COLEC12: variants seen among roughly 807,000 people sequenced by gnomAD.
COLEC12 encodes collectin-12.
A neutral mutation model predicts 71.1 loss-of-function variants in COLEC12; 33 were observed. The observed-to-expected ratio is 0.46, with a 90% CI of 0.35 to 0.62. COLEC12 has a LOEUF of 0.62. COLEC12 is among the 20% of genes least tolerant of loss of function. COLEC12 has a pLI of 0.00. For synonymous variants in COLEC12, 350 were observed against 353.0 expected, an observed-to-expected ratio of 0.99 and a Z score of 0.10; for missense variants, 765 against 916.1, an observed-to-expected ratio of 0.84 and a Z score of 2.13.
At chr18:440,360 AAC>A (rs77004542) in intron 2 of COLEC12, among the ~76,000 whole-genome samples, 19 of 118,662 alleles carry the variant, frequency 1.6e-4, no homozygotes, top group Middle Eastern at 4.2e-3. Flanking sequence ...AAATGTTCTC[AAC>A]ACACACACAC....
chr18:333,176 A>G (rs968098810), intron 6 of COLEC12, 33 bp from the exon 7 acceptor site: 1 of 1,561,998 alleles, frequency 6.4e-7, no homozygotes, highest in African/African-American at 1.4e-5. Context: ...CATTGATTAA[A>G]AGATCACAGA....
At chr18:352,711 A>G (rs937638295) in intron 3 of COLEC12, among the ~76,000 whole-genome samples, 1 of 152,232 alleles carries the variant, frequency 6.6e-6, no homozygotes, top group Non-Finnish European at 1.5e-5. Flanking sequence ...AGACTGGTGG[A>G]GATCCAGAAC....
intron 6 of COLEC12, chr18:334,214 A>C (rs1251225559): frequency 6.6e-6 from 1 of 151,554 alleles, no homozygotes; most frequent in African/African-American, 2.4e-5. Context: ...ATAATACATA[A>C]AACAAATGAG....
rs1005116812 is a variant in COLEC12, at chr18:408,758, A to T, written c.59-51236T>A. Reference sequence around the variant, plus strand: ...CTTAGGAAATAATTTTGCCATAATAATGTATTTCACACTAAAATAGGATTG... The same window carrying T: ...CTTAGGAAATAATTTTGCCATAATATTGTATTTCACACTAAAATAGGATTG... On this transcript the variant is annotated intron_variant, in intron 2 of 9. Transcript: ENST00000400256. The surrounding 1 kb of genome is among the most constrained non-coding windows in gnomAD (Gnocchi z 4.3). Among the ~76,000 whole-genome samples the T allele has an allele frequency of 2.0e-5, 3 of 152,208 alleles. No homozygotes were observed. The highest frequency in any genetic ancestry group is 4.4e-5 in the Non-Finnish European group (3 of 68,030).
chr18:331,605 G>T, intron 8 of COLEC12, 63 bp downstream of exon 8: 2 of 1,076,858 alleles, frequency 1.9e-6, no homozygotes, highest in Non-Finnish European at 2.9e-6. Context: ...TGGGAGTCGG[G>T]CAAGAAGTGA....
At chr18:497,383 GGTGTGTGTGTGTGTGT>G (rs10689788) in intron 1 of COLEC12, among the ~76,000 whole-genome samples, 107 of 147,130 alleles carry the variant, frequency 7.3e-4, no homozygotes, top group African/African-American at 2.4e-3. Context: ...TAAAGAATGG[GGTGTGTGTGTGTGTGT>G]GTGTGTGTGT....
chr18:414,221 C>T (rs928567099), intron 2 of COLEC12, among the ~76,000 whole-genome samples: 2 of 152,150 alleles, frequency 1.3e-5, no homozygotes, highest in African/African-American at 4.8e-5. Flanking sequence ...ATTTAATTTT[C>T]AAATGGGAAG....
intron 2 of COLEC12, among the ~76,000 whole-genome samples, chr18:476,760 C>T (rs1213686171): frequency 5.9e-5 from 9 of 152,176 alleles, no homozygotes; most frequent in African/African-American, 1.9e-4. Context: ...ATATCACTTT[C>T]GTGGTAGTAC....
chr18:464,021 G>A (rs188723510), intron 2 of COLEC12, among the ~76,000 whole-genome samples: 78 of 152,190 alleles, frequency 5.1e-4, no homozygotes, highest in African/African-American at 1.7e-3. Context: ...CCCTTTCTTG[G>A]TTCTTTCTCT....
At chr18:338,926 G>T (rs542015866) in intron 5 of COLEC12, among the ~76,000 whole-genome samples, 1 of 151,922 alleles carries the variant, frequency 6.6e-6, no homozygotes, top group Admixed American at 6.6e-5. Context: ...AAATAATGAA[G>T]ATGGCATATT....
rs139796540 is a variant in COLEC12 at position 459,017 on chromosome 18, T to C, written c.58+21690A>G. ...TCCAGGCTAATTTTTTTATTTTCTG[T>C]AGAGATGGGGACTGGGGGCTGGGAG... On this transcript the variant is annotated intron_variant, in intron 2 of 9. Coordinates refer to ENST00000400256, the MANE Select transcript of COLEC12 (RefSeq NM_130386.3). Among the ~76,000 whole-genome samples, 252 of 152,264 alleles carry C rather than the reference T, an allele frequency of 1.7e-3. 2 individuals carry two copies. The highest frequency in any genetic ancestry group is 5.7e-3 in the African/African-American group (237 of 41,552).
At chr18:454,439 T>A (rs1245198791) in intron 2 of COLEC12, among the ~76,000 whole-genome samples, 4 of 152,160 alleles carry the variant, frequency 2.6e-5, no homozygotes, top group African/African-American at 9.7e-5. Flanking sequence ...CCCAGCTCTT[T>A]GGGAGGCCAA....
intron 3 of COLEC12, among the ~76,000 whole-genome samples, chr18:356,429 G>A (rs890192674): frequency 1.3e-5 from 2 of 152,114 alleles, no homozygotes; most frequent in Non-Finnish European, 2.9e-5. Context: ...TGGACTGTCT[G>A]GCCCTGACAC....
chr18:491,220 C>T (rs1302960485), intron 1 of COLEC12, among the ~76,000 whole-genome samples: 1 of 152,214 alleles, frequency 6.6e-6, no homozygotes, highest in Non-Finnish European at 1.5e-5. Flanking sequence ...GAGTTGCTTT[C>T]ATATGGGAAT....
rs1914754743 is a variant in COLEC12, at chr18:362,009, TTG to T, written c.59-4489_59-4488del. ...AAGGTTGTGCAGAGGTCAAGCGTCATTGTGTCATTGATGGGAAAAGAGAGGCC... is the reference window on the plus strand; with the variant it reads ...AAGGTTGTGCAGAGGTCAAGCGTCATTGTCATTGATGGGAAAAGAGAGGCC... On this transcript the variant is annotated intron_variant, in intron 2 of 9. Transcript: ENST00000400256. The surrounding 1 kb of genome is among the most constrained non-coding windows in gnomAD (Gnocchi z 4.6). Among the ~76,000 whole-genome samples the T allele has an allele frequency of 1.3e-5, 2 of 152,170 alleles. No individual in the cohort carries two copies. The highest frequency in any genetic ancestry group is 4.8e-5 in the African/African-American group (2 of 41,422).
At chr18:352,532 C>T (rs1265399745) in intron 3 of COLEC12, among the ~76,000 whole-genome samples, 4 of 152,088 alleles carry the variant, frequency 2.6e-5, no homozygotes, top group Admixed American at 2.0e-4. Context: ...AAAAATCTGT[C>T]GACGTTTTCT....
chr18:478,856 T>C (rs1461484446), intron 2 of COLEC12, among the ~76,000 whole-genome samples: 1 of 148,896 alleles, frequency 6.7e-6, no homozygotes, highest in Non-Finnish European at 1.5e-5. Flanking sequence ...CTCTCTAATA[T>C]TTGTAAGTGG....
chr18:441,823 C>G (rs1916541216), intron 2 of COLEC12, among the ~76,000 whole-genome samples: 1 of 150,714 alleles, frequency 6.6e-6, no homozygotes, highest in South Asian at 2.1e-4. Flanking sequence ...ATGGCAAAAC[C>G]CTGCCTCTAC....
chr18:377,278 A>C (rs1915133567), intron 2 of COLEC12, among the ~76,000 whole-genome samples: 1 of 152,220 alleles, frequency 6.6e-6, no homozygotes, highest in African/African-American at 2.4e-5. Flanking sequence ...TGGCTTCCAG[A>C]TGGCAGAAGA....
Sources: gnomAD v4.1 joint callset for allele counts (sites outside exome capture counted in the v4.1 genomes callset) on GRCh38, gnomAD v4.1.1 for gene constraint, Gnocchi (gnomAD v3.1) non-coding constraint, MANE v1.5 for transcripts, NCBI Gene and HGNC (gene_info 2026-07-23, HGNC 2026-07-21) for gene names.